COP1: variants seen among roughly 807,000 people sequenced by gnomAD.
The protein encoded by COP1 is COP1 E3 ubiquitin ligase, also known as E3 ubiquitin-protein ligase COP1.
Under a neutral mutation model 101.3 loss-of-function variants are expected in COP1, and 24 were observed. That is an observed-to-expected ratio of 0.24 (90% confidence interval 0.17 to 0.33). The LOEUF is 0.33. COP1 is among the 10% of genes least tolerant of loss of function. The pLI is 1.00. For missense variants in COP1, 663 were observed against 906.2 expected (o/e 0.73, Z 3.45); for synonymous variants, 347 against 341.9 (o/e 1.01, Z -0.17).
chr1:175,950,796 CAT>C (rs1293419963), intron 18 of COP1, among the ~76,000 whole-genome samples: 1 of 152,150 alleles, frequency 6.6e-6, no homozygotes, highest in Non-Finnish European at 1.5e-5. Context: ...AAACAGAAGA[CAT>C]ATAAACATGC....
intron 8 of COP1, among the ~76,000 whole-genome samples, chr1:176,123,725 C>T (rs912975793): frequency 1.3e-5 from 2 of 152,014 alleles, no homozygotes; most frequent in African/African-American, 2.4e-5. Flanking sequence ...AAAATCTTTA[C>T]CCCCACCCTG....
rs150850833 is a variant in COP1 at position 176,080,064 on chromosome 1, G to C, written c.1277+1088C>G. Among the ~76,000 whole-genome samples the C allele has an allele frequency of 3.9e-5, 6 of 152,008 alleles. No individual in the cohort carries two copies. In the East Asian group the frequency reaches 9.7e-4, roughly 25 times the overall value. On this transcript the variant is annotated intron_variant, in intron 11 of 19. Transcript: ENST00000367669. ...TATCTGGAAACTAGTAACAGCCTCA[G>C]TAATCATGGGTCGAAGAGAAAAATC...
At chr1:176,095,330 G>A (rs568770694) in intron 9 of COP1, among the ~76,000 whole-genome samples, 1 of 152,324 alleles carries the variant, frequency 6.6e-6, no homozygotes, top group South Asian at 2.1e-4. Flanking sequence ...ACCACTGGGA[G>A]TTCTCTAAGA....
chr1:176,113,951 T>TG (rs1027316773), intron 9 of COP1, among the ~76,000 whole-genome samples: 15 of 151,366 alleles, frequency 9.9e-5, no homozygotes, highest in South Asian at 4.2e-4. Context: ...TAGGGTTTTT[T>TG]TTTTTTTTTA....
chr1:175,971,158 A>G (rs1408724608), intron 18 of COP1, among the ~76,000 whole-genome samples: 1 of 152,276 alleles, frequency 6.6e-6, no homozygotes, highest in Admixed American at 6.5e-5. Context: ...AATGACTTAG[A>G]AAGACTGATA....
chr1:175,965,392 C>A (rs141915250), intron 18 of COP1, among the ~76,000 whole-genome samples: 1 of 152,132 alleles, frequency 6.6e-6, no homozygotes, highest in Non-Finnish European at 1.5e-5. Flanking sequence ...TGATACTATT[C>A]AATTGTCCAA....
intron 15 of COP1, among the ~76,000 whole-genome samples, chr1:176,026,001 A>T (rs550303813): frequency 2.0e-5 from 3 of 152,298 alleles, no homozygotes; most frequent in African/African-American, 7.2e-5. Flanking sequence ...AATAAATACA[A>T]GAAAGTCTGA....
intron 18 of COP1, among the ~76,000 whole-genome samples, chr1:175,953,076 T>C (rs1169405569): frequency 6.6e-6 from 1 of 152,130 alleles, no homozygotes; most frequent in Non-Finnish European, 1.5e-5. Flanking sequence ...CAAACACAAG[T>C]AAATATACAT....
chr1:176,199,295 C>T (rs534499559), intron 1 of COP1, among the ~76,000 whole-genome samples: 2 of 151,708 alleles, frequency 1.3e-5, no homozygotes, highest in African/African-American at 2.4e-5. Flanking sequence ...CCAGCTGGGG[C>T]GACAGTATGA....
At chr1:176,108,950 A>G (rs1256980169) in intron 9 of COP1, among the ~76,000 whole-genome samples, 1 of 151,836 alleles carries the variant, frequency 6.6e-6, no homozygotes, top group Non-Finnish European at 1.5e-5. Context: ...CTTCTCTACT[A>G]AAAATATAAA....
intron 1 of COP1, among the ~76,000 whole-genome samples, chr1:176,192,941 T>C (rs150709772): frequency 3.8e-4 from 58 of 152,318 alleles, no homozygotes; most frequent in African/African-American, 1.3e-3. Context: ...GAATTTAAAA[T>C]ATAGTACCAA....
intron 15 of COP1, among the ~76,000 whole-genome samples, chr1:176,007,972 A>T (rs1471570644): frequency 1.3e-5 from 2 of 151,698 alleles, no homozygotes; most frequent in Non-Finnish European, 2.9e-5. Flanking sequence ...TTGATCTCAG[A>T]CTGCTCTGCT....
chr1:176,093,658 T>C, intron 9 of COP1, among the ~76,000 whole-genome samples: 1 of 152,008 alleles, frequency 6.6e-6, no homozygotes, highest in African/African-American at 2.4e-5. Context: ...GCTAACACGG[T>C]GAAACCCCGT....
At chr1:176,049,252 C>A (rs1672117634) in intron 11 of COP1, among the ~76,000 whole-genome samples, 1 of 150,794 alleles carries the variant, frequency 6.6e-6, no homozygotes, top group Non-Finnish European at 1.5e-5. Flanking sequence ...CTGCTGGTAT[C>A]CTGTTATTCA....
At chr1:176,165,341 A>C (rs1694923150) in intron 3 of COP1, among the ~76,000 whole-genome samples, 1 of 149,904 alleles carries the variant, frequency 6.7e-6, no homozygotes, top group Non-Finnish European at 1.5e-5. Context: ...TTCAGGTGAG[A>C]GAGAGAGAGA....
intron 11 of COP1, among the ~76,000 whole-genome samples, chr1:176,078,809 C>T (rs1167906842): frequency 6.6e-6 from 1 of 151,208 alleles, no homozygotes; most frequent in East Asian, 1.9e-4. Context: ...CTGTGAAAAA[C>T]AAAAAAATCC....
At chr1:176,055,472 C>T (rs890398707) in intron 11 of COP1, among the ~76,000 whole-genome samples, 7 of 152,166 alleles carry the variant, frequency 4.6e-5, no homozygotes, top group Admixed American at 4.6e-4. Context: ...CATCTCAGAG[C>T]TAAGCTAAGC....
chr1:176,111,838 G>C (rs1334303153), intron 9 of COP1, among the ~76,000 whole-genome samples: 1 of 151,946 alleles, frequency 6.6e-6, no homozygotes, highest in Non-Finnish European at 1.5e-5. Context: ...CTATTATCTG[G>C]AGCACAGCTA....
At chr1:175,964,923 G>A (rs1453309971) in intron 18 of COP1, among the ~76,000 whole-genome samples, 1 of 152,090 alleles carries the variant, frequency 6.6e-6, no homozygotes, top group Non-Finnish European at 1.5e-5. Flanking sequence ...TTGGACAAAG[G>A]CATTCTCTTT....
Sources: gnomAD v4.1 joint callset for allele counts (sites outside exome capture counted in the v4.1 genomes callset) on GRCh38, gnomAD v4.1.1 for gene constraint, MANE v1.5 for transcripts, NCBI Gene and HGNC (gene_info 2026-07-23, HGNC 2026-07-21) for gene names.